The following DLGAP2 variants were observed in gnomAD, a reference collection of about 807,000 sequenced individuals.
DLGAP2 encodes the protein DLG associated protein 2, also known as disks large-associated protein 2.
DLGAP2 carries 26 observed loss-of-function variants against 100.3 expected under a neutral mutation model. The observed-to-expected ratio is 0.26, with a 90% confidence interval of 0.19 to 0.36. The LOEUF (loss-of-function observed/expected upper bound fraction) is 0.36, where lower values mean the gene tolerates loss of function less well. Ranked by LOEUF, DLGAP2 falls within the 10% of genes least tolerant of loss-of-function variation. The probability of loss-of-function intolerance (pLI) is 1.00; values close to 1 mark genes in which losing one functional copy is unlikely to be tolerated. For missense variants in DLGAP2, 1,858 were observed against 1,453.2 expected, an observed-to-expected ratio of 1.28 and a Z score of -4.53; for synonymous variants, 886 against 630.1, an observed-to-expected ratio of 1.41 and a Z score of -6.08.
intron 3 of DLGAP2, among the ~76,000 whole-genome samples, chr8:1,437,822 A>C (rs1584903220): frequency 6.7e-6 from 1 of 149,244 alleles, no homozygotes; most frequent in East Asian, 2.0e-4. Context: ...ACAAAAAAAA[A>C]AAAAAAAAAA....
chr8:1,338,741 G>A (rs980841404), intron 3 of DLGAP2, among the ~76,000 whole-genome samples: 4 of 152,334 alleles, frequency 2.6e-5, no homozygotes, highest in South Asian at 2.1e-4. Flanking sequence ...CCCAGGACAC[G>A]TTGCAGGATG....
chr8:1,429,102 TTGTTCCTGGAAACAAAACAAAACA>T (rs1465939843), intron 3 of DLGAP2, among the ~76,000 whole-genome samples: 3 of 152,318 alleles, frequency 2.0e-5, no homozygotes. Flanking sequence ...ATTTCATAAG[TTGTTCCTGGAAACAAAACAAAACA>T]TGTTGGATTA....
chr8:1,702,675 G>A lies in DLGAP2; in HGVS notation c.*1269G>A, dbSNP rs907832527. On this transcript the variant is annotated 3_prime_UTR_variant, in exon 15 of 15. Coordinates refer to ENST00000637795, the MANE Select transcript of DLGAP2 (RefSeq NM_001346810.2). ...GTCGGTGCCAGAGGAAAATAGGAACGACTCTAATTAATAGGCTTTCTGTGT... is the reference window on the plus strand; with the variant it reads ...GTCGGTGCCAGAGGAAAATAGGAACAACTCTAATTAATAGGCTTTCTGTGT... 5 of 152,252 alleles carry A rather than the reference G, an allele frequency of 3.3e-5. No individual in the cohort carries two copies. Among genetic ancestry groups the A allele is most frequent in the Non-Finnish European group, 5.9e-5 (4 of 68,032 alleles). 9.4% of individuals were successfully genotyped at this position (152,252 alleles called of 1,614,324 possible).
chr8:1,515,996 T>C (rs1256528231), intron 4 of DLGAP2, among the ~76,000 whole-genome samples: 1 of 146,110 alleles, frequency 6.8e-6, no homozygotes, highest in East Asian at 2.0e-4. Flanking sequence ...AGTTACTGAG[T>C]GAGAATGAGT....
intron 12 of DLGAP2, chr8:1,688,342 A>AGAC (rs1799167096): frequency 6.6e-6 from 1 of 152,276 alleles, no homozygotes; most frequent in Non-Finnish European, 1.5e-5. Context: ...GATGCCCGAC[A>AGAC]GACAACCTTC....
chr8:1,412,616 T>C (rs1006035233), intron 3 of DLGAP2, among the ~76,000 whole-genome samples: 1 of 152,232 alleles, frequency 6.6e-6, no homozygotes, highest in Non-Finnish European at 1.5e-5. Flanking sequence ...CAGTGTCCTC[T>C]TCTGAGAAAT....
intron 2 of DLGAP2, among the ~76,000 whole-genome samples, chr8:1,246,414 G>T (rs1798901393): frequency 6.6e-6 from 1 of 152,182 alleles, no homozygotes; most frequent in Non-Finnish European, 1.5e-5. Context: ...AGGGCCTCCT[G>T]CCATCCGCGG....
At chr8:883,651 G>C (rs529927097) in intron 1 of DLGAP2, among the ~76,000 whole-genome samples, 74 of 147,562 alleles carry the variant, frequency 5.0e-4, no homozygotes, top group Non-Finnish European at 7.1e-4. Context: ...GTGCCGCGGC[G>C]GTTCGTTACG....
At chr8:1,052,178 C>G (rs1006266244) in intron 2 of DLGAP2, among the ~76,000 whole-genome samples, 2 of 152,184 alleles carry the variant, frequency 1.3e-5, no homozygotes, top group African/African-American at 4.8e-5. Flanking sequence ...CCCGGCCGCC[C>G]TTCCTGGGCC....
At chr8:1,380,310 T>G (rs1435742611) in intron 3 of DLGAP2, 1 of 152,238 alleles carries the variant, frequency 6.6e-6, no homozygotes, top group Non-Finnish European at 1.5e-5. Flanking sequence ...TCAGGCTTTG[T>G]TACTTCCTGC....
In DLGAP2 at chr8:1,703,299, C is replaced by CA. The variant is rs5888852; in HGVS notation, c.*1906dup. On this transcript the variant is annotated 3_prime_UTR_variant, in exon 15 of 15. Coordinates refer to ENST00000637795, the MANE Select transcript of DLGAP2 (RefSeq NM_001346810.2). ...TACGAATGTATCTCCTTGAAAAATGCAAAAAAAAAAAAATCCCTGAAATAT... is the reference window on the plus strand; with the variant it reads ...TACGAATGTATCTCCTTGAAAAATGCAAAAAAAAAAAAAATCCCTGAAATAT... 8,717 of 143,490 alleles carry CA rather than the reference C, an allele frequency of 0.061. 609 individuals carry two copies. The highest frequency in any genetic ancestry group is 0.17 in the African/African-American group (6,637 of 39,116). The allele number at this position is 143,490 out of a possible 1,614,324, so 8.9% of individuals were successfully genotyped here.
intron 6 of DLGAP2, among the ~76,000 whole-genome samples, chr8:1,624,845 T>TTC (rs372888355): frequency 0.14 from 17,502 of 125,976 alleles, 1,140 homozygotes; most frequent in South Asian, 0.3. Context: ...TCCCTTTGCT[T>TTC]TCTCTCTCTC....
At chr8:1,122,967 C>T (rs571346152) in intron 2 of DLGAP2, among the ~76,000 whole-genome samples, 25 of 152,302 alleles carry the variant, frequency 1.6e-4, no homozygotes, top group Non-Finnish European at 3.7e-4. Context: ...TTAGGTCCGC[C>T]AGATAGAGGG....
intron 1 of DLGAP2, among the ~76,000 whole-genome samples, chr8:764,163 C>T (rs1821152831): frequency 6.6e-6 from 1 of 152,176 alleles, no homozygotes; most frequent in South Asian, 2.1e-4. Context: ...GGCCAGGGCT[C>T]AGCACCGTGC....
intron 2 of DLGAP2, among the ~76,000 whole-genome samples, chr8:1,099,313 C>T (rs1423765764): frequency 6.6e-6 from 1 of 152,198 alleles, no homozygotes; most frequent in Non-Finnish European, 1.5e-5. Context: ...AAACAAGCAG[C>T]GTCCTGTGTG....
intron 3 of DLGAP2, among the ~76,000 whole-genome samples, chr8:1,447,965 ATTC>A (rs1197140741): frequency 6.6e-6 from 1 of 150,684 alleles, no homozygotes; most frequent in Non-Finnish European, 1.5e-5. Flanking sequence ...CATCTATTTG[ATTC>A]TTCTCTCTTT....
intron 2 of DLGAP2, among the ~76,000 whole-genome samples, chr8:1,159,167 C>G (rs1796845240): frequency 6.6e-6 from 1 of 152,198 alleles, no homozygotes. Flanking sequence ...ATAAAAAATA[C>G]AGACAAGGTT....
chr8:1,321,125 C>G (rs1464277395), intron 3 of DLGAP2, among the ~76,000 whole-genome samples: 1 of 151,242 alleles, frequency 6.6e-6, no homozygotes, highest in Non-Finnish European at 1.5e-5. Flanking sequence ...GTGTGTGCAT[C>G]CATGTGTCTC....
rs577472904 is a variant in DLGAP2 at position 1,555,910 on chromosome 8, T to C, written c.1230+6227T>C. Among the ~76,000 whole-genome samples, 130 of 152,334 alleles carry C rather than the reference T, an allele frequency of 8.5e-4. 1 individual carries two copies. The Middle Eastern group carries it at 0.01, about 12-fold the overall frequency. On this transcript the variant is annotated intron_variant, in intron 5 of 14. Coordinates refer to ENST00000637795, the MANE Select transcript of DLGAP2 (RefSeq NM_001346810.2). ...CCTCTTCAATCCTTCACGCCTCCGTTTGTGGTGAGATTCAAGACAGTGTTC... is the reference window on the plus strand; with the variant it reads ...CCTCTTCAATCCTTCACGCCTCCGTCTGTGGTGAGATTCAAGACAGTGTTC...
Sources: allele counts gnomAD v4.1 joint callset (sites outside exome capture counted in the v4.1 genomes callset), GRCh38; gene constraint gnomAD v4.1.1; transcripts MANE v1.5; gene names NCBI Gene and HGNC (gene_info 2026-07-23, HGNC 2026-07-21).